The following SLC44A1 variants were observed in gnomAD, a reference collection of about 807,000 sequenced individuals.
SLC44A1 encodes solute carrier family 44 member 1, also known as choline transporter-like protein 1.
SLC44A1 carries 26 observed loss-of-function variants against 79.3 expected under a neutral mutation model. That is an observed-to-expected ratio of 0.33 (90% CI 0.24 to 0.46). The LOEUF (loss-of-function observed/expected upper bound fraction) is 0.46, where lower values mean the gene tolerates loss of function less well. Ranked by LOEUF, SLC44A1 falls within the 20% of genes least tolerant of loss-of-function variation. The pLI is 1.00. For missense variants in SLC44A1, 688 were observed against 798.1 expected (o/e 0.86, Z 1.66); for synonymous variants, 263 against 286.2 (o/e 0.92, Z 0.82).
At chr9:105,426,651 G>A (rs182989152) in intron 15 of SLC44A1, among the ~76,000 whole-genome samples, 13 of 152,228 alleles carry the variant, frequency 8.5e-5, no homozygotes, top group Admixed American at 3.3e-4. Flanking sequence ...GGGAAGATTG[G>A]TAATTTGCCC....
intron 15 of SLC44A1, among the ~76,000 whole-genome samples, chr9:105,414,575 C>T (rs148511581): frequency 9.7e-4 from 148 of 152,064 alleles, no homozygotes; most frequent in African/African-American, 3.4e-3. Context: ...TTAATATTGC[C>T]GTAAAACATA....
At chr9:105,320,044 C>T (rs796587121) in intron 3 of SLC44A1, among the ~76,000 whole-genome samples, 6 of 152,308 alleles carry the variant, frequency 3.9e-5, no homozygotes, top group African/African-American at 1.4e-4. Flanking sequence ...CCCTAGACAA[C>T]CACTGATCTG....
intron 1 of SLC44A1, among the ~76,000 whole-genome samples, chr9:105,292,127 T>C (rs1323123026): frequency 6.6e-6 from 1 of 152,154 alleles, no homozygotes; most frequent in Non-Finnish European, 1.5e-5. Flanking sequence ...TATTGTTACT[T>C]TGAATGTCGG....
chr9:105,350,385 T>TCCAC (rs1377730071), intron 5 of SLC44A1, among the ~76,000 whole-genome samples: 1 of 146,736 alleles, frequency 6.8e-6, no homozygotes, highest in African/African-American at 2.8e-5. Flanking sequence ...ATCACCCCAT[T>TCCAC]CCACCCATCG....
At chr9:105,435,163 C>CAAAA (rs77661811) in intron 15 of SLC44A1, among the ~76,000 whole-genome samples, 2 of 130,768 alleles carry the variant, frequency 1.5e-5, no homozygotes, top group African/African-American at 5.4e-5. Context: ...CAAAACAAAA[C>CAAAA]AAAAAAAAAA....
chr9:105,362,761 T>C, intron 8 of SLC44A1, 60 bp from the exon 9 acceptor site: 2 of 1,327,438 alleles, frequency 1.5e-6, no homozygotes, highest in Non-Finnish European at 2.0e-6. Flanking sequence ...AAATTTCTAC[T>C]ATTTTCGGTT....
At chr9:105,350,914 A>G (rs1670338200) in intron 5 of SLC44A1, among the ~76,000 whole-genome samples, 1 of 152,198 alleles carries the variant, frequency 6.6e-6, no homozygotes, top group South Asian at 2.1e-4. Context: ...TTGTAAACTA[A>G]TTTTCAATGA....
intron 15 of SLC44A1, among the ~76,000 whole-genome samples, chr9:105,430,142 C>T (rs1048652165): frequency 1.3e-5 from 2 of 152,172 alleles, no homozygotes; most frequent in African/African-American, 4.8e-5. Flanking sequence ...CAATCCTCTT[C>T]CCTTGGCTTC....
chr9:105,395,797 G>A lies in SLC44A1; in HGVS notation c.*6741G>A. Reference sequence around the variant, plus strand: ...AAGTAGACATTGAAAAGAAGACTTGGGAATAATTGGGCAGATAGAATGGGT... The same window carrying A: ...AAGTAGACATTGAAAAGAAGACTTGAGAATAATTGGGCAGATAGAATGGGT... On this transcript the variant is annotated 3_prime_UTR_variant, in exon 16 of 16. Coordinates refer to ENST00000374720, the MANE Select transcript of SLC44A1 (RefSeq NM_080546.5). 1 of 985,100 alleles carries A rather than the reference G, an allele frequency of 1.0e-6. No individual in the cohort carries two copies. The highest frequency in any genetic ancestry group is 1.2e-6 in the Non-Finnish European group (1 of 829,810). 61.0% of individuals were successfully genotyped at this position (985,100 alleles called of 1,614,324 possible). A position where few individuals can be genotyped will look rare whatever the true frequency, so the allele number is the denominator to read the frequency against.
At chr9:105,299,757 C>T (rs1203358260) in intron 2 of SLC44A1, 1 of 986,310 alleles carries the variant, frequency 1.0e-6, no homozygotes, top group African/African-American at 1.7e-5. Context: ...CTGCTGCCTT[C>T]TGTGTCTGCT....
chr9:105,433,450 C>T (rs779739115), intron 15 of SLC44A1, among the ~76,000 whole-genome samples: 51 of 152,206 alleles, frequency 3.4e-4, no homozygotes, highest in Non-Finnish European at 6.5e-4. Context: ...ACACCATCCC[C>T]TACTCTGTAC....
intron 12 of SLC44A1, 39 bp from the exon 13 acceptor site, chr9:105,374,559 T>C (rs1828215352): frequency 1.9e-6 from 3 of 1,590,540 alleles, no homozygotes; most frequent in Non-Finnish European, 2.6e-6. Context: ...AAAGGAAGTT[T>C]CAATTGTTGA....
intron 3 of SLC44A1, among the ~76,000 whole-genome samples, chr9:105,316,446 A>T (rs572485247): frequency 6.6e-6 from 1 of 152,220 alleles, no homozygotes; most frequent in African/African-American, 2.4e-5. Flanking sequence ...AAAAATATAC[A>T]TGTACATAGA....
At chr9:105,269,989 T>C (rs543915502) in intron 1 of SLC44A1, among the ~76,000 whole-genome samples, 8 of 152,362 alleles carry the variant, frequency 5.3e-5, no homozygotes, top group African/African-American at 1.7e-4. Flanking sequence ...TCAATGTTTA[T>C]AGACCAATAT....
Position 105,393,907 on chromosome 9 carries a change from C to T in SLC44A1, c.*4851C>T, listed in dbSNP as rs1023531543. 3.2e-5 allele frequency: 32 copies of T among 984,644 alleles called. No homozygotes were observed. Among genetic ancestry groups the T allele is most frequent in the Admixed American group, 6.2e-5 (1 of 16,260 alleles). The allele number at this position is 984,644 out of a possible 1,614,324, so 61.0% of individuals were successfully genotyped here. A position where few individuals can be genotyped will look rare whatever the true frequency, so the allele number is the denominator to read the frequency against. The stretch of plus-strand genomic sequence containing the variant: ...ATGGTCTAGTGAAGATCTAGTTGAA[C>T]ATGGAAACATTGTAATTTACAAATG... On this transcript the variant is annotated 3_prime_UTR_variant, in exon 16 of 16. Transcript: ENST00000374720.
Position 105,335,582 on chromosome 9 carries a change from C to G in SLC44A1, c.289C>G (p.Pro97Ala), listed in dbSNP as rs771242975. 17 of 1,611,378 alleles carry G rather than the reference C, an allele frequency of 1.1e-5. No individual in the cohort carries two copies. Among genetic ancestry groups the G allele is most frequent in the Non-Finnish European group, 1.4e-5 (17 of 1,178,406 alleles). The stretch of plus-strand genomic sequence containing the variant: ...CTTTAGGTATGTATTCTTTTTGGAT[C>G]CATGCAACCTGGACTTGATAAACCG... ...TQRKYVFFLD[P>A]CNLDLINRKI... The change falls in exon 4 of 16, where the codon CCA becomes GCA. Residue 97 changes from proline (P) to alanine (A), a missense_variant. Physicochemically the swap from Pro to Ala is conservative, Grantham distance 27. Coordinates refer to ENST00000374720, the MANE Select transcript of SLC44A1 (RefSeq NM_080546.5).
intron 1 of SLC44A1, among the ~76,000 whole-genome samples, chr9:105,282,886 G>A (rs192436251): frequency 1.3e-3 from 200 of 152,146 alleles, no homozygotes; most frequent in African/African-American, 4.6e-3. Context: ...CAAGAAGGAG[G>A]ATTTGGGGGT....
At position 105,391,350 on chromosome 9, in the gene SLC44A1, G is replaced by C. The variant is rs895414605; in HGVS notation, c.*2294G>C. 2.4e-5 allele frequency: 24 copies of C among 984,400 alleles called. No homozygotes were observed. The African/African-American group carries it at 4.2e-4, about 17-fold the overall frequency. 61.0% of individuals were successfully genotyped at this position (984,400 alleles called of 1,614,324 possible). On this transcript the variant is annotated 3_prime_UTR_variant, in exon 16 of 16. Transcript: ENST00000374720. ...TTGTATTTTTGTATAACTTGATTGT[G>C]TGCCATTTTATATAACAGGTCCTGT...
chr9:105,383,049 G>A, intron 13 of SLC44A1, 74 bp from the exon 14 acceptor site: 1 of 997,182 alleles, frequency 1.0e-6, no homozygotes, highest in Non-Finnish European at 1.6e-6. Context: ...AGAATTTTAA[G>A]TCTGCAAATG....
Sources: allele counts gnomAD v4.1 joint callset (sites outside exome capture counted in the v4.1 genomes callset), GRCh38; gene constraint gnomAD v4.1.1; transcripts MANE v1.5; gene names NCBI Gene and HGNC (gene_info 2026-07-23, HGNC 2026-07-21).